Variants in ZNF71 observed in about 807,000 individuals in gnomAD.
The protein encoded by ZNF71 is endothelial zinc finger protein induced by tumor necrosis factor alpha.
ZNF71 carries 3 observed loss-of-function variants against 6.7 expected under a neutral mutation model. That is an observed-to-expected ratio of 0.45 (90% CI 0.20 to 1.16). The LOEUF is 1.16. Ranked by LOEUF, ZNF71 falls within the 50% of genes most tolerant of loss-of-function variation. The pLI is 0.25. For synonymous variants in ZNF71, 343 were observed against 311.1 expected (o/e 1.10, Z -1.08); for missense variants, 688 against 728.6 (o/e 0.94, Z 0.64).
chr19:56,617,121 TG>T (rs774820364), intron 3 of ZNF71, among the ~76,000 whole-genome samples: 4 of 148,336 alleles, frequency 2.7e-5, no homozygotes, highest in African/African-American at 7.6e-5. Context: ...TGTTTTTTTT[TG>T]TTTTTTTTGA....
At position 56,618,782 on chromosome 19, in the gene ZNF71, G is replaced by GC. The variant is rs2044818611; in HGVS notation, c.161-2485dup. On this transcript the variant is annotated intron_variant, in intron 3 of 3. Transcript: ENST00000599599. The surrounding 1 kb of genome is among the most constrained non-coding windows in gnomAD (Gnocchi z 4.6). ...GGAGGGTGGGCAGGGGACGACTCAG[G>GC]CAGGCCTGCTGGGTGCTGAGGGCCC... Among the ~76,000 whole-genome samples, 1 of 152,126 alleles carries GC rather than the reference G, an allele frequency of 6.6e-6. No individual in the cohort carries two copies. Among genetic ancestry groups the GC allele is most frequent in the South Asian group, 2.1e-4 (1 of 4,822 alleles).
chr19:56,622,820 T>A lies in ZNF71; in HGVS notation c.*63T>A. 1.3e-6 allele frequency: 2 copies of A among 1,535,424 alleles called. No individual in the cohort carries two copies. The highest frequency in any genetic ancestry group is 2.5e-5 in the South Asian group (2 of 78,620). ...ACGGACGCCAGATGGCTGCGCGCTT[T>A]GTCAGCAGTGCTGTGAGAAGTTCTC... On this transcript the variant is annotated 3_prime_UTR_variant, in exon 4 of 4. Coordinates refer to ENST00000599599, the MANE Select transcript of ZNF71 (RefSeq NM_001370215.1).
At position 56,598,862 on chromosome 19, in the gene ZNF71, C is replaced by T. The variant is rs2044645754; in HGVS notation, c.-52-2645C>T. Among the ~76,000 whole-genome samples the T allele has an allele frequency of 6.6e-6, 1 of 152,182 alleles. No homozygotes were observed. The highest frequency in any genetic ancestry group is 2.4e-5 in the African/African-American group (1 of 41,434). ...CTTGTGGAAGTTGGGGCCATTTGGC[C>T]TAAGAAAGGCTCTTCTTTGTCTTAG... On this transcript the variant is annotated intron_variant, in intron 1 of 3. Transcript: ENST00000599599. This position sits in a 1 kb window ranked among gnomAD's most constrained non-coding sequence, Gnocchi z 4.2.
intron 2 of ZNF71, among the ~76,000 whole-genome samples, chr19:56,612,971 A>G (rs1465837238): frequency 6.6e-6 from 1 of 152,082 alleles, no homozygotes; most frequent in African/African-American, 2.4e-5. Flanking sequence ...GGGGCTCATA[A>G]TTCAACCCAT....
Position 56,623,064 on chromosome 19 carries a change from C to T in ZNF71, c.*307C>T, listed in dbSNP as rs1250096677. 2 of 414,084 alleles carry T rather than the reference C, an allele frequency of 4.8e-6. No individual in the cohort carries two copies. The highest frequency in any genetic ancestry group is 9.0e-6 in the Non-Finnish European group (2 of 223,084). The allele number at this position is 414,084 out of a possible 1,614,324, so 25.7% of individuals were successfully genotyped here. On this transcript the variant is annotated 3_prime_UTR_variant, in exon 4 of 4. Coordinates refer to ENST00000599599, the MANE Select transcript of ZNF71 (RefSeq NM_001370215.1). ...GCCCTCTTGAGTAACTGTCCTAGAG[C>T]TGGGACAGGTCACGCCTGCCTCCAC...
At position 56,618,521 on chromosome 19, in the gene ZNF71, T is replaced by C. The variant is rs1225789996; in HGVS notation, c.161-2747T>C. 1.3e-5 allele frequency among the ~76,000 whole-genome samples: 2 copies of C among 152,076 alleles called. No homozygotes were observed. The highest frequency in any genetic ancestry group is 2.9e-5 in the Non-Finnish European group (2 of 68,028). ...CTGCTGGGGGCCGATAATAATCAGA[T>C]CAAGGGACAGGCAGAGAAAAATTGC... On this transcript the variant is annotated intron_variant, in intron 3 of 3. Coordinates refer to ENST00000599599, the MANE Select transcript of ZNF71 (RefSeq NM_001370215.1). This position sits in a 1 kb window ranked among gnomAD's most constrained non-coding sequence, Gnocchi z 4.6.
Position 56,603,008 on chromosome 19 carries a change from A to G in ZNF71, c.33+1417A>G, listed in dbSNP as rs1001360652. The stretch of plus-strand genomic sequence containing the variant: ...ATCTACCTGTAATTGATTTTGCTAT[A>G]TAAATGTGTCAGTAGACTTATTTGG... On this transcript the variant is annotated intron_variant, in intron 2 of 3. Transcript: ENST00000599599. The surrounding 1 kb of genome is among the most constrained non-coding windows in gnomAD (Gnocchi z 4.6). Among the ~76,000 whole-genome samples the G allele has an allele frequency of 2.0e-5, 3 of 152,216 alleles. No individual in the cohort carries two copies. The highest frequency in any genetic ancestry group is 2.9e-5 in the Non-Finnish European group (2 of 68,040).
At chr19:56,617,334 C>G (rs776899607) in intron 3 of ZNF71, among the ~76,000 whole-genome samples, 3 of 152,162 alleles carry the variant, frequency 2.0e-5, no homozygotes, top group Admixed American at 6.5e-5. Context: ...TGGTCTCAAA[C>G]TCCTGACCAA....
intron 2 of ZNF71, among the ~76,000 whole-genome samples, chr19:56,609,810 A>G (rs2044737913): frequency 6.6e-6 from 1 of 151,556 alleles, no homozygotes; most frequent in Admixed American, 6.6e-5. Context: ...TTGTACATAA[A>G]TGAGGCATAC....
chr19:56,621,941 G>A lies in ZNF71; in HGVS notation c.834G>A (p.Val278=). Residue 278 remains valine, a synonymous_variant, in exon 4 of 4, where the codon GTG becomes GTA. Coordinates refer to ENST00000599599, the MANE Select transcript of ZNF71 (RefSeq NM_001370215.1). ...GCGAGAAGCCGTATGTGTGCGACGTGTGTGGCAAGGCCTTCCGGAAGACTT... is the reference window on the plus strand; with the variant it reads ...GCGAGAAGCCGTATGTGTGCGACGTATGTGGCAAGGCCTTCCGGAAGACTT... ...HTGEKPYVCD[V]CGKAFRKTSS... The A allele has an allele frequency of 6.2e-7, 1 of 1,606,732 alleles. No individual in the cohort carries two copies. Among genetic ancestry groups the A allele is most frequent in the South Asian group, 1.1e-5 (1 of 90,960 alleles).
Position 56,613,372 on chromosome 19 carries a change from A to G in ZNF71, c.34-440A>G, listed in dbSNP as rs943849473. Among the ~76,000 whole-genome samples, 1 of 152,208 alleles carries G rather than the reference A, an allele frequency of 6.6e-6. No homozygotes were observed. Among genetic ancestry groups the G allele is most frequent in the African/African-American group, 2.4e-5 (1 of 41,450 alleles). On this transcript the variant is annotated intron_variant, in intron 2 of 3. Transcript: ENST00000599599. This position sits in a 1 kb window ranked among gnomAD's most constrained non-coding sequence, Gnocchi z 4.6. ...TTACGTGTCTTTGTCTGCCTCTGCC[A>G]TGAGGAACTAGTTCTTGAACATTTT...
Position 56,621,539 on chromosome 19 carries a change from A to C in ZNF71, c.432A>C (p.Gln144His). 1 of 1,614,204 alleles carries C rather than the reference A, an allele frequency of 6.2e-7. No individual in the cohort carries two copies. ...ACHELKAFANQGCVLVPPRLD... is the reference protein window; with the variant it reads ...ACHELKAFANHGCVLVPPRLD... ...ATGAACTGAAGGCATTTGCCAACCA[A>C]GGCTGTGTCCTGGTCCCACCACGGC... is the stretch of plus-strand genomic sequence containing the variant. The change falls in exon 4 of 4, where the codon CAA becomes CAC. Residue 144 changes from glutamine (Q) to histidine (H), a missense_variant. Physicochemically the swap from Gln to His is conservative, Grantham distance 24. Coordinates refer to ENST00000599599, the MANE Select transcript of ZNF71 (RefSeq NM_001370215.1).
chr19:56,610,475 T>C (rs867358363), intron 2 of ZNF71: 2 of 152,204 alleles, frequency 1.3e-5, no homozygotes, highest in Non-Finnish European at 2.9e-5. Flanking sequence ...TATGGCTGTG[T>C]GTATTCCACT....
At chr19:56,604,529 T>G (rs2044694823) in intron 2 of ZNF71, among the ~76,000 whole-genome samples, 1 of 152,210 alleles carries the variant, frequency 6.6e-6, no homozygotes, top group Non-Finnish European at 1.5e-5. Flanking sequence ...TTGTACACAT[T>G]TAACCTTACG....
chr19:56,599,112 G>A (rs1431599936), intron 1 of ZNF71, among the ~76,000 whole-genome samples: 1 of 152,150 alleles, frequency 6.6e-6, no homozygotes, highest in Non-Finnish European at 1.5e-5. Flanking sequence ...GGCTTTTCTG[G>A]GTGATCTTGA....
intron 2 of ZNF71, among the ~76,000 whole-genome samples, chr19:56,611,356 G>C (rs2044750631): frequency 6.6e-6 from 1 of 152,178 alleles, no homozygotes; most frequent in Non-Finnish European, 1.5e-5. Context: ...CTCGGGCTCT[G>C]GAGACAGCCC....
In ZNF71 at chr19:56,622,203, G is replaced by A. The variant is rs201233218; in HGVS notation, c.1096G>A (p.Ala366Thr). The A allele has an allele frequency of 6.2e-7, 1 of 1,613,320 alleles. No homozygotes were observed. The highest frequency in any genetic ancestry group is 8.5e-7 in the Non-Finnish European group (1 of 1,179,814). The change falls in exon 4 of 4, where the codon GCC (alanine) becomes ACC (threonine). Residue 366 changes from alanine to threonine, a missense_variant. Transcript: ENST00000599599. ...KPYACKECGK[A>T]FNKSSSLTLH... Reference sequence around the variant, plus strand: ...GTACGCCTGCAAGGAGTGCGGCAAGGCCTTCAACAAGAGCTCCTCGCTCAC... The same window carrying A: ...GTACGCCTGCAAGGAGTGCGGCAAGACCTTCAACAAGAGCTCCTCGCTCAC...
At position 56,603,771 on chromosome 19, in the gene ZNF71, G is replaced by A. The variant is rs2044688380; in HGVS notation, c.33+2180G>A. 6.8e-6 allele frequency among the ~76,000 whole-genome samples: 1 copy of A among 147,140 alleles called. No individual in the cohort carries two copies. Among genetic ancestry groups the A allele is most frequent in the South Asian group, 2.1e-4 (1 of 4,712 alleles). On this transcript the variant is annotated intron_variant, in intron 2 of 3. Coordinates refer to ENST00000599599, the MANE Select transcript of ZNF71 (RefSeq NM_001370215.1). This position sits in a 1 kb window ranked among gnomAD's most constrained non-coding sequence, Gnocchi z 4.6. ...TGTTTTTATTTCAACAGGGTTGGGAGTTTTGGTTTAAGTTTTTTTTTTTTT... is the reference window on the plus strand; with the variant it reads ...TGTTTTTATTTCAACAGGGTTGGGAATTTTGGTTTAAGTTTTTTTTTTTTT...
At chr19:56,605,793 T>A (rs1245062323) in intron 2 of ZNF71, among the ~76,000 whole-genome samples, 1 of 152,214 alleles carries the variant, frequency 6.6e-6, no homozygotes, top group East Asian at 1.9e-4. Flanking sequence ...GCTGGGACAC[T>A]CTGTGATATT....
Sources: allele counts gnomAD v4.1 joint callset (sites outside exome capture counted in the v4.1 genomes callset), GRCh38; gene constraint gnomAD v4.1.1; non-coding constraint Gnocchi (gnomAD v3.1); transcripts MANE v1.5; gene names NCBI Gene and HGNC (gene_info 2026-07-23, HGNC 2026-07-21).